Variants in TNIK observed in about 807,000 individuals in gnomAD.
TNIK encodes TRAF2 and NCK-interacting protein kinase.
In TNIK, 49 loss-of-function variants were observed where a neutral mutation model predicts 191.3. The observed-to-expected ratio is 0.26, with a 90% CI of 0.20 to 0.32. The LOEUF is 0.32. Among genes scored for constraint, TNIK ranks in the 10% least tolerant of loss-of-function variants. The pLI is 1.00. For synonymous variants in TNIK, 594 were observed against 600.9 expected (o/e 0.99, Z 0.17); for missense variants, 1,155 against 1,702.3 (o/e 0.68, Z 5.66).
intron 2 of TNIK, among the ~76,000 whole-genome samples, chr3:171,324,246 T>C (rs1451221240): frequency 1.3e-5 from 2 of 152,150 alleles, no homozygotes; most frequent in Non-Finnish European, 2.9e-5. Flanking sequence ...CAAGGCTCTG[T>C]GCTTTTAAGG....
intron 2 of TNIK, among the ~76,000 whole-genome samples, chr3:171,324,464 T>C (rs1290706007): frequency 6.6e-6 from 1 of 152,106 alleles, no homozygotes; most frequent in East Asian, 1.9e-4. Flanking sequence ...AGGTTTCTGT[T>C]ATTTTCATAC....
At chr3:171,410,170 C>A (rs942062397) in intron 1 of TNIK, among the ~76,000 whole-genome samples, 7 of 152,188 alleles carry the variant, frequency 4.6e-5, no homozygotes, top group African/African-American at 9.6e-5. Flanking sequence ...ATACACAATT[C>A]TCAGTACTCA....
At chr3:171,231,722 C>T (rs935035513) in intron 2 of TNIK, among the ~76,000 whole-genome samples, 2 of 152,172 alleles carry the variant, frequency 1.3e-5, no homozygotes, top group Admixed American at 1.3e-4. Flanking sequence ...CGACCTAAAG[C>T]TCACTAGGAA....
Position 171,460,014 on chromosome 3 carries a change from G to C in TNIK, c.50C>G (p.Ala17Gly). 1 of 1,609,088 alleles carries C rather than the reference G, an allele frequency of 6.2e-7. No homozygotes were observed. The highest frequency in any genetic ancestry group is 8.5e-7 in the Non-Finnish European group (1 of 1,177,836). Residue 17 changes from alanine (A) to glycine (G), a missense_variant, in exon 1 of 33, where the codon GCT becomes GGT. Coordinates refer to ENST00000436636, the MANE Select transcript of TNIK (RefSeq NM_015028.4). This position sits in a 1 kb window ranked among gnomAD's most constrained non-coding sequence, Gnocchi z 6.8. ...ARSLDEIDLS[A>G]LRDPAGIFEL... The stretch of plus-strand genomic sequence containing the variant: ...AGAAAACGTCCTGCTCACCCTCAGA[G>C]CCGAGAGATCTATTTCATCCAGGCT...
intron 2 of TNIK, among the ~76,000 whole-genome samples, chr3:171,282,744 T>C (rs10513694): frequency 0.21 from 31,304 of 152,208 alleles, 3,438 homozygotes; most frequent in South Asian, 0.25. Context: ...CTGAAGCTCA[T>C]GGACAAACTA....
intron 9 of TNIK, among the ~76,000 whole-genome samples, chr3:171,169,273 A>AT (rs869061202): frequency 9.7e-4 from 141 of 145,370 alleles, no homozygotes; most frequent in Middle Eastern, 7.3e-3. Flanking sequence ...TATTATCATT[A>AT]TTTTTTTTTT....
At chr3:171,320,951 A>G (rs1449153912) in intron 2 of TNIK, among the ~76,000 whole-genome samples, 1 of 152,196 alleles carries the variant, frequency 6.6e-6, no homozygotes, top group Non-Finnish European at 1.5e-5. Context: ...CCTGCCAATC[A>G]AATGCAGCAT....
At chr3:171,076,508 G>T (rs974893089) in intron 28 of TNIK, among the ~76,000 whole-genome samples, 5 of 152,116 alleles carry the variant, frequency 3.3e-5, no homozygotes, top group African/African-American at 9.7e-5. Context: ...CCACATCATG[G>T]ACTCCTTTGA....
intron 1 of TNIK, among the ~76,000 whole-genome samples, chr3:171,458,778 T>C (rs1049840426): frequency 1.3e-5 from 2 of 152,198 alleles, no homozygotes; most frequent in Admixed American, 1.3e-4. Context: ...AGAGCCACCA[T>C]GAATTCCTTC....
intron 1 of TNIK, among the ~76,000 whole-genome samples, chr3:171,423,004 CA>C (rs1724031412): frequency 6.6e-6 from 1 of 152,142 alleles, no homozygotes; most frequent in Non-Finnish European, 1.5e-5. Flanking sequence ...GCTAAAATTA[CA>C]GGTATTTTAG....
chr3:171,078,696 T>C (rs945140430), intron 28 of TNIK, among the ~76,000 whole-genome samples: 4 of 152,222 alleles, frequency 2.6e-5, no homozygotes, highest in Non-Finnish European at 5.9e-5. Context: ...CAGGCTTATC[T>C]TTAGGGTAGT....
rs543858742 is a variant in TNIK, at chr3:171,059,296, TAACTC to T, written c.*4580_*4584del. On this transcript the variant is annotated 3_prime_UTR_variant, in exon 33 of 33. Coordinates refer to ENST00000436636, the MANE Select transcript of TNIK (RefSeq NM_015028.4). ...CCAAGATTTTGATCTAGATTTAAAA[TAACTC>T]AAACATTACCCAGGGATTTTTGTTT... 5.7e-4 allele frequency among the ~76,000 whole-genome samples: 87 copies of T among 152,304 alleles called. No homozygotes were observed. Among genetic ancestry groups the T allele is most frequent in the African/African-American group, 1.9e-3 (78 of 41,580 alleles).
chr3:171,255,777 C>T (rs1475268313), intron 2 of TNIK, among the ~76,000 whole-genome samples: 2 of 152,188 alleles, frequency 1.3e-5, no homozygotes, highest in African/African-American at 2.4e-5. Context: ...CCAGGTGTGG[C>T]TGCTGCTCAG....
intron 23 of TNIK, among the ~76,000 whole-genome samples, chr3:171,091,980 C>T (rs1184762241): frequency 4.0e-4 from 60 of 149,748 alleles, no homozygotes; most frequent in African/African-American, 1.2e-3. Context: ...GACAGAGTCT[C>T]GTTCTGTCGC....
At chr3:171,190,364 G>C (rs1737896684) in intron 6 of TNIK, among the ~76,000 whole-genome samples, 1 of 152,156 alleles carries the variant, frequency 6.6e-6, no homozygotes, top group Non-Finnish European at 1.5e-5. Context: ...GGGTCCTAGT[G>C]CTCTGTTATA....
At chr3:171,393,569 T>G (rs1719846359) in intron 1 of TNIK, among the ~76,000 whole-genome samples, 1 of 152,196 alleles carries the variant, frequency 6.6e-6, no homozygotes, top group Non-Finnish European at 1.5e-5. Flanking sequence ...CTTTCACTAT[T>G]AGGCCTGAAA....
chr3:171,212,656 G>A (rs1256173567), intron 3 of TNIK, among the ~76,000 whole-genome samples: 5 of 152,020 alleles, frequency 3.3e-5, no homozygotes, highest in Non-Finnish European at 5.9e-5. Flanking sequence ...CTTATCAGTC[G>A]GTAAGAACCG....
chr3:171,200,969 G>T (rs1342648818), intron 4 of TNIK, among the ~76,000 whole-genome samples: 2 of 152,146 alleles, frequency 1.3e-5, no homozygotes, highest in Non-Finnish European at 2.9e-5. Context: ...AAGAATAAAT[G>T]ACTACTAACA....
intron 1 of TNIK, among the ~76,000 whole-genome samples, chr3:171,442,887 T>C (rs952250369): frequency 2.0e-5 from 3 of 152,148 alleles, no homozygotes; most frequent in Admixed American, 6.5e-5. Context: ...TTTACATCTG[T>C]TCTTCTCCCA....
Sources: allele counts gnomAD v4.1 joint callset (sites outside exome capture counted in the v4.1 genomes callset), GRCh38; gene constraint gnomAD v4.1.1; non-coding constraint Gnocchi (gnomAD v3.1); transcripts MANE v1.5; gene names NCBI Gene and HGNC (gene_info 2026-07-23, HGNC 2026-07-21).